The following PNPLA8 variants were observed in gnomAD, a reference collection of about 807,000 sequenced individuals.
PNPLA8 encodes the protein calcium-independent phospholipase A2-gamma.
In PNPLA8, 39 loss-of-function variants were observed where a neutral mutation model predicts 76.9. The ratio of observed to expected loss-of-function variants is 0.51; its 90% confidence interval spans 0.39 to 0.66. PNPLA8 has a LOEUF of 0.66. PNPLA8 is among the 30% of genes least tolerant of loss of function. The pLI is 0.00. For missense variants in PNPLA8, 887 were observed against 918.0 expected, an observed-to-expected ratio of 0.97 and a Z score of 0.44; for synonymous variants, 301 against 307.9, an observed-to-expected ratio of 0.98 and a Z score of 0.24.
rs537619437 is a variant in PNPLA8, at chr7:108,519,569, T to C, written c.-84+1907A>G. Among the ~76,000 whole-genome samples the C allele has an allele frequency of 9.2e-5, 14 of 152,316 alleles. No homozygotes were observed. The East Asian group carries it at 2.7e-3, about 29-fold the overall frequency. On this transcript the variant is annotated intron_variant, in intron 2 of 10. Transcript: ENST00000257694. Reference sequence around the variant, plus strand: ...AGATAACAGCCTGAAGTAAAATCCTTCCTTCTAAATTGCATGTGCCATTTA... The same window carrying C: ...AGATAACAGCCTGAAGTAAAATCCTCCCTTCTAAATTGCATGTGCCATTTA...
chr7:108,505,029 T>C (rs374689608), intron 4 of PNPLA8, among the ~76,000 whole-genome samples: 15 of 151,804 alleles, frequency 9.9e-5, no homozygotes, highest in African/African-American at 2.7e-4. Flanking sequence ...TGAGCCAAGA[T>C]TGCACATTGC....
At position 108,515,537 on chromosome 7, in the gene PNPLA8, A is replaced by C. The variant is rs1863278180; in HGVS notation, c.-46T>G. Reference sequence around the variant, plus strand: ...TCTATGACATTCTCTCACTTCTTGAACGCTTCATTTAAGAAATGCCATAAT... The same window carrying C: ...TCTATGACATTCTCTCACTTCTTGACCGCTTCATTTAAGAAATGCCATAAT... On this transcript the variant is annotated 5_prime_UTR_variant, in exon 3 of 11. Transcript: ENST00000257694. 1 of 1,323,444 alleles carries C rather than the reference A, an allele frequency of 7.6e-7. No homozygotes were observed. The highest frequency in any genetic ancestry group is 1.5e-5 in the African/African-American group (1 of 67,492). 82.0% of individuals were successfully genotyped at this position (1,323,444 alleles called of 1,614,324 possible).
In PNPLA8 at chr7:108,514,501, C is replaced by G; in HGVS notation, c.991G>C (p.Asp331His). 1 of 1,613,026 alleles carries G rather than the reference C, an allele frequency of 6.2e-7. No individual in the cohort carries two copies. Among genetic ancestry groups the G allele is most frequent in the South Asian group, 1.1e-5 (1 of 91,038 alleles). The stretch of plus-strand genomic sequence containing the variant: ...TTTCTGTCTTTGCTGACAGCCTGAT[C>G]AGTTTTAGCAGGCTCTTCCTGTTCT... ...SEEQEEPAKT[D>H]QAVSKDRNAE... Residue 331 changes from aspartate (D) to histidine (H), a missense_variant, in exon 3 of 11, where the codon GAT (aspartate) becomes CAT (histidine). Asp to His is a moderately conservative substitution (Grantham distance 81). Transcript: ENST00000257694.
At chr7:108,475,042 T>C (rs754982593) in intron 10 of PNPLA8, among the ~76,000 whole-genome samples, 2 of 152,062 alleles carry the variant, frequency 1.3e-5, no homozygotes, top group African/African-American at 2.4e-5. Context: ...GTCAGATCAG[T>C]GGTGGCATGA....
chr7:108,515,469 T>A lies in PNPLA8; in HGVS notation c.23A>T (p.Asp8Val). The change falls in exon 3 of 11, where the codon GAT becomes GTT. Residue 8 changes from aspartate (D) to valine (V), a missense_variant. Asp to Val is a radical substitution (Grantham distance 152). Coordinates refer to ENST00000257694, the MANE Select transcript of PNPLA8 (RefSeq NM_001256007.3). MSINLTV[D>V]IYIYLLSNAR... Reference sequence around the variant, plus strand: ...ATTACTAAGGAGGTAAATATATATATCTACAGTCAGATTAATAGACATAAC... The same window carrying A: ...ATTACTAAGGAGGTAAATATATATAACTACAGTCAGATTAATAGACATAAC... The A allele has an allele frequency of 6.6e-7, 1 of 1,520,612 alleles. No individual in the cohort carries two copies. The highest frequency in any genetic ancestry group is 8.8e-7 in the Non-Finnish European group (1 of 1,132,654). 94.2% of individuals were successfully genotyped at this position (1,520,612 alleles called of 1,614,324 possible).
chr7:108,490,374 ATACTTG>A (rs1861056742), intron 8 of PNPLA8, among the ~76,000 whole-genome samples: 1 of 151,892 alleles, frequency 6.6e-6, no homozygotes, highest in African/African-American at 2.4e-5. Flanking sequence ...ACACTCTATA[ATACTTG>A]CACAATGACA....
intron 4 of PNPLA8, among the ~76,000 whole-genome samples, chr7:108,512,214 G>A (rs1862985632): frequency 6.6e-6 from 1 of 152,158 alleles, no homozygotes; most frequent in Admixed American, 6.5e-5. Flanking sequence ...TTTCGGTGTT[G>A]TTTGCTATTA....
chr7:108,510,401 C>T, intron 4 of PNPLA8: 19 of 1,538,282 alleles, frequency 1.2e-5, no homozygotes, highest in Non-Finnish European at 1.7e-5. Context: ...AAAGCACTAT[C>T]ACAGGGAATA....
At chr7:108,487,428 AT>A (rs1208504758) in intron 9 of PNPLA8, among the ~76,000 whole-genome samples, 1 of 152,120 alleles carries the variant, frequency 6.6e-6, no homozygotes, top group Non-Finnish European at 1.5e-5. Context: ...TGGGTTCTGC[AT>A]TTTCAGGGAG....
At chr7:108,508,765 G>C (rs1441658199) in intron 4 of PNPLA8, among the ~76,000 whole-genome samples, 1 of 152,102 alleles carries the variant, frequency 6.6e-6, no homozygotes, top group East Asian at 1.9e-4. Context: ...ACACTACCTG[G>C]CTTCAAACTA....
At chr7:108,524,202 G>A (rs999507704) in intron 1 of PNPLA8, among the ~76,000 whole-genome samples, 2 of 152,180 alleles carry the variant, frequency 1.3e-5, no homozygotes, top group Non-Finnish European at 2.9e-5. Context: ...TTTGGGATCA[G>A]GCAACCTGAG....
intron 4 of PNPLA8, among the ~76,000 whole-genome samples, chr7:108,504,132 A>C (rs963756606): frequency 1.3e-5 from 2 of 152,184 alleles, no homozygotes; most frequent in Admixed American, 6.5e-5. Context: ...TTTGACCCTA[A>C]CTGAATTAAG....
chr7:108,479,941 A>C (rs1860278800), intron 9 of PNPLA8, among the ~76,000 whole-genome samples: 1 of 152,230 alleles, frequency 6.6e-6, no homozygotes, highest in African/African-American at 2.4e-5. Context: ...GGTATTAATA[A>C]AATATGCTGA....
chr7:108,472,470 C>T lies in PNPLA8; in HGVS notation c.2280G>A (p.Gln760=), dbSNP rs1859687108. 20 of 1,599,704 alleles carry T rather than the reference C, an allele frequency of 1.3e-5. No homozygotes were observed. Among genetic ancestry groups the T allele is most frequent in the Non-Finnish European group, 1.5e-5 (17 of 1,172,180 alleles). Residue 760 remains glutamine, a synonymous_variant, in exon 11 of 11, where the codon CAG becomes CAA. Transcript: ENST00000257694. ...KILSQEKTTL[Q]KINDWIKLKT... ...TTAATTTTATCCAATCATTAATTTT[C>T]TGCAGAGTTGTTTTTTCTTGACTTA...
chr7:108,479,074 C>T, intron 10 of PNPLA8, 110 bp downstream of exon 10: 1 of 693,184 alleles, frequency 1.4e-6, no homozygotes, highest in Non-Finnish European at 2.5e-6. Flanking sequence ...CTTCCTAAAT[C>T]CACAATACAG....
intron 7 of PNPLA8, among the ~76,000 whole-genome samples, chr7:108,493,567 G>GATTT (rs1563951361): frequency 1.9e-5 from 2 of 105,654 alleles, no homozygotes; most frequent in African/African-American, 7.2e-5. Flanking sequence ...CCCATGCCTG[G>GATTT]CTTTTTTTTT....
At chr7:108,487,170 C>T (rs1035978678) in intron 9 of PNPLA8, among the ~76,000 whole-genome samples, 8 of 152,234 alleles carry the variant, frequency 5.3e-5, no homozygotes, top group Middle Eastern at 6.8e-3. Context: ...AGTATAATTA[C>T]GGACAACATC....
At chr7:108,498,474 C>G (rs940403184) in intron 5 of PNPLA8, among the ~76,000 whole-genome samples, 6 of 151,214 alleles carry the variant, frequency 4.0e-5, no homozygotes, top group African/African-American at 1.5e-4. Flanking sequence ...AGGGTTTCAC[C>G]ATGTTAGCCA....
chr7:108,488,133 AT>A (rs1860881612), intron 8 of PNPLA8, among the ~76,000 whole-genome samples, 180 bp from the exon 9 acceptor site: 1 of 152,174 alleles, frequency 6.6e-6, no homozygotes, highest in African/African-American at 2.4e-5. Context: ...GATAATAGAT[AT>A]AAAGACTGAA....
Sources: gnomAD v4.1 joint callset for allele counts (sites outside exome capture counted in the v4.1 genomes callset) on GRCh38, gnomAD v4.1.1 for gene constraint, MANE v1.5 for transcripts, NCBI Gene and HGNC (gene_info 2026-07-23, HGNC 2026-07-21) for gene names.